The following MYO1B variants were observed in gnomAD, a reference collection of about 807,000 sequenced individuals.
The protein encoded by MYO1B is myosin IB.
MYO1B carries 72 observed loss-of-function variants against 159.7 expected under a neutral mutation model. The observed-to-expected ratio is 0.45, with a 90% CI of 0.37 to 0.55. The LOEUF is 0.55. MYO1B is among the 20% of genes least tolerant of loss of function. MYO1B has a pLI of 0.00. For synonymous variants in MYO1B, 468 were observed against 473.8 expected, an observed-to-expected ratio of 0.99 and a Z score of 0.16; for missense variants, 1,062 against 1,364.8, an observed-to-expected ratio of 0.78 and a Z score of 3.50.
chr2:191,402,625 A>G lies in MYO1B; in HGVS notation c.2470-7A>G. ...GTCTCTTTTATTTACTATCTAAAAC[A>G]TTCTAGGCTCGAAGGGAATTGAAAC... On this transcript the variant is annotated splice_polypyrimidine_tract_variant and splice_region_variant and intron_variant, in intron 23 of 30. Transcript: ENST00000392318. The G allele has an allele frequency of 1.2e-6, 2 of 1,612,932 alleles. No homozygotes were observed. Among genetic ancestry groups the G allele is most frequent in the South Asian group, 1.1e-5 (1 of 90,736 alleles).
intron 30 of MYO1B, among the ~76,000 whole-genome samples, chr2:191,418,885 C>T (rs1441355774): frequency 1.3e-5 from 2 of 152,220 alleles, no homozygotes; most frequent in Non-Finnish European, 2.9e-5. Flanking sequence ...AACTTCTAAG[C>T]TGTTCAATGT....
At chr2:191,383,525 C>CGT in intron 15 of MYO1B, among the ~76,000 whole-genome samples, 183 bp downstream of exon 15, 3 of 113,292 alleles carry the variant, frequency 2.6e-5, no homozygotes, top group Admixed American at 9.5e-5. Context: ...TACACACACA[C>CGT]ACACACACAC....
intron 4 of MYO1B, among the ~76,000 whole-genome samples, chr2:191,337,101 C>T (rs1052308251): frequency 9.2e-5 from 14 of 152,130 alleles, no homozygotes; most frequent in Non-Finnish European, 1.9e-4. Flanking sequence ...TCCCCCAATG[C>T]AGTGATTGAA....
intron 21 of MYO1B, among the ~76,000 whole-genome samples, chr2:191,397,593 T>C (rs1381695689): frequency 6.6e-6 from 1 of 150,598 alleles, no homozygotes; most frequent in Non-Finnish European, 1.5e-5. Flanking sequence ...TGTCTACTTC[T>C]ATCCACACAG....
intron 3 of MYO1B, among the ~76,000 whole-genome samples, chr2:191,311,104 C>T (rs1201449680): frequency 2.0e-5 from 3 of 152,186 alleles, no homozygotes; most frequent in African/African-American, 7.2e-5. Context: ...CATAGGTGAT[C>T]AGCTTGAGAT....
chr2:191,253,106 T>C (rs1686226302), intron 1 of MYO1B, among the ~76,000 whole-genome samples: 1 of 152,192 alleles, frequency 6.6e-6, no homozygotes, highest in South Asian at 2.1e-4. Context: ...ATAAAGTTGG[T>C]AAATGTTCCT....
intron 1 of MYO1B, among the ~76,000 whole-genome samples, chr2:191,250,977 T>C (rs899297651): frequency 3.3e-5 from 5 of 152,170 alleles, no homozygotes; most frequent in African/African-American, 1.2e-4. Context: ...CTTGTTTCCT[T>C]TGTCACCTGA....
chr2:191,400,683 T>C (rs1304164447), intron 22 of MYO1B, 66 bp from the exon 23 acceptor site: 4 of 1,558,598 alleles, frequency 2.6e-6, no homozygotes, highest in Non-Finnish European at 3.5e-6. Flanking sequence ...TCTTTCTTCA[T>C]TGAAAACCAG....
chr2:191,283,443 G>A (rs1418565132), intron 2 of MYO1B, among the ~76,000 whole-genome samples: 1 of 152,204 alleles, frequency 6.6e-6, no homozygotes, highest in Non-Finnish European at 1.5e-5. Context: ...CCTGGGACAA[G>A]TTAACTCCTT....
intron 3 of MYO1B, among the ~76,000 whole-genome samples, chr2:191,309,799 T>C (rs917351875): frequency 1.3e-5 from 2 of 152,258 alleles, no homozygotes; most frequent in African/African-American, 4.8e-5. Context: ...TTATTTTTCT[T>C]CAGAGCATTT....
intron 1 of MYO1B, chr2:191,246,026 C>T (rs2125634496): frequency 6.6e-6 from 1 of 152,396 alleles, no homozygotes; most frequent in East Asian, 1.9e-4. Flanking sequence ...GTGTGGCTTC[C>T]TCCGGGCAGG....
intron 15 of MYO1B, among the ~76,000 whole-genome samples, chr2:191,383,770 C>A (rs1298829528): frequency 6.6e-6 from 1 of 151,920 alleles, no homozygotes; most frequent in Non-Finnish European, 1.5e-5. Flanking sequence ...TTCCATGACT[C>A]CTGGGCATGT....
chr2:191,370,263 C>G lies in MYO1B; in HGVS notation c.1156C>G (p.Leu386Val), dbSNP rs371984172. 1.3e-5 allele frequency: 21 copies of G among 1,613,244 alleles called. No individual in the cohort carries two copies. Among genetic ancestry groups the G allele is most frequent in the Non-Finnish European group, 1.6e-5 (19 of 1,179,618 alleles). Residue 386 changes from leucine (L) to valine (V), a missense_variant, in exon 13 of 31, where the codon CTG becomes GTG. By Grantham distance (32) the Leu-to-Val change is conservative. Coordinates refer to ENST00000392318, the MANE Select transcript of MYO1B (RefSeq NM_001130158.3). ...TKVRKKVMGV[L>V]DIYGFEIFED... is the part of the protein sequence containing the mutation. The stretch of plus-strand genomic sequence containing the variant: ...AGTGAGAAAGAAGGTCATGGGTGTT[C>G]TGGACATTTATGGCTTTGAGATTTT...
chr2:191,271,210 C>T (rs749811645), intron 1 of MYO1B, among the ~76,000 whole-genome samples: 2 of 152,138 alleles, frequency 1.3e-5, no homozygotes, highest in Non-Finnish European at 2.9e-5. Flanking sequence ...TGTTACTATG[C>T]GAAGAAGAAT....
intron 3 of MYO1B, among the ~76,000 whole-genome samples, chr2:191,313,244 C>G (rs1690131395): frequency 9.7e-6 from 1 of 103,326 alleles, no homozygotes; most frequent in Admixed American, 1.1e-4. Context: ...GAGTTTCACT[C>G]TTGTTGCCCA....
At chr2:191,361,781 A>AT (rs1693689213) in intron 8 of MYO1B, among the ~76,000 whole-genome samples, 2 of 152,070 alleles carry the variant, frequency 1.3e-5, no homozygotes, top group African/African-American at 4.8e-5. Flanking sequence ...AGAGCATGCC[A>AT]TCCAGTCACA....
chr2:191,335,701 C>T (rs10210553), intron 4 of MYO1B, among the ~76,000 whole-genome samples: 4,945 of 152,230 alleles, frequency 0.032, 253 homozygotes, highest in African/African-American at 0.11. Context: ...TATAATATCT[C>T]CTTTCAATAA....
intron 5 of MYO1B, among the ~76,000 whole-genome samples, chr2:191,342,955 CAT>C (rs1377775395): frequency 3.9e-5 from 6 of 152,006 alleles, no homozygotes; most frequent in Admixed American, 3.3e-4. Context: ...TGTCACTTAA[CAT>C]ATTTGTTATG....
At chr2:191,396,019 G>A (rs976014934) in intron 20 of MYO1B, among the ~76,000 whole-genome samples, 3 of 152,194 alleles carry the variant, frequency 2.0e-5, no homozygotes, top group African/African-American at 7.2e-5. Context: ...AAACTAGGGA[G>A]GTTTAGAGGT....
Sources: gnomAD v4.1 joint callset for allele counts (sites outside exome capture counted in the v4.1 genomes callset) on GRCh38, gnomAD v4.1.1 for gene constraint, MANE v1.5 for transcripts, NCBI Gene and HGNC (gene_info 2026-07-23, HGNC 2026-07-21) for gene names.